Variants in PHF20 observed in about 807,000 individuals in gnomAD.
The protein encoded by PHF20 is glioma-expressed antigen 2.
PHF20 carries 23 observed loss-of-function variants against 113.5 expected under a neutral mutation model. The observed-to-expected ratio is 0.20, with a 90% CI of 0.15 to 0.29. The LOEUF is 0.29. Among genes scored for constraint, PHF20 ranks in the 10% least tolerant of loss-of-function variants. The pLI is 1.00. For synonymous variants in PHF20, 434 were observed against 457.3 expected, an observed-to-expected ratio of 0.95 and a Z score of 0.65; for missense variants, 943 against 1,219.6, an observed-to-expected ratio of 0.77 and a Z score of 3.38.
chr20:35,926,683 G>T (rs1449147402), intron 13 of PHF20, among the ~76,000 whole-genome samples: 2 of 152,082 alleles, frequency 1.3e-5, no homozygotes, highest in Non-Finnish European at 2.9e-5. Flanking sequence ...TTCCCGCTCT[G>T]CCCACATTGA....
intron 1 of PHF20, among the ~76,000 whole-genome samples, chr20:35,787,468 C>T (rs563690212): frequency 1.3e-5 from 2 of 151,890 alleles, no homozygotes; most frequent in South Asian, 2.1e-4. Flanking sequence ...CGTGAGCCAC[C>T]GCGCCCAGCC....
At chr20:35,891,164 G>A (rs971224355) in intron 9 of PHF20, among the ~76,000 whole-genome samples, 17 of 152,268 alleles carry the variant, frequency 1.1e-4, no homozygotes, top group African/African-American at 4.1e-4. Context: ...ATCACTTGCA[G>A]TCAGGAGTTT....
intron 2 of PHF20, among the ~76,000 whole-genome samples, chr20:35,814,900 T>G (rs866066457): frequency 3.0e-5 from 4 of 135,156 alleles, no homozygotes; most frequent in Non-Finnish European, 4.8e-5. Flanking sequence ...ATAAAATAAA[T>G]AAATAAATAA....
chr20:35,926,121 CAAAA>C (rs527440244), intron 13 of PHF20, among the ~76,000 whole-genome samples: 2 of 72,328 alleles, frequency 2.8e-5, no homozygotes, highest in Non-Finnish European at 5.9e-5. Flanking sequence ...GACTCCATCT[CAAAA>C]AAAAAAAAAA....
rs753265544 is a variant in PHF20, at chr20:35,932,428, A to ATTTTTTTT, written c.2300+997_2300+1004dup. 1.9e-5 allele frequency among the ~76,000 whole-genome samples: 2 copies of ATTTTTTTT among 104,692 alleles called. 1 individual carries two copies. Among genetic ancestry groups the ATTTTTTTT allele is most frequent in the African/African-American group, 7.7e-5 (2 of 26,102 alleles). 68.7% of individuals were successfully genotyped at this position (104,692 alleles called of 152,430 possible). On this transcript the variant is annotated intron_variant, in intron 15 of 17. Transcript: ENST00000374012. ...TAATATAAAATTTACCATCTTAACC[A>ATTTTTTTT]TTTTTTTTTTTTTTTTTTTTGAGAC...
chr20:35,817,135 A>G (rs375583926), intron 2 of PHF20, among the ~76,000 whole-genome samples: 4 of 150,712 alleles, frequency 2.7e-5, no homozygotes, highest in Non-Finnish European at 4.4e-5. Context: ...GTGAACTAAC[A>G]GTTCTTTCTT....
intron 2 of PHF20, among the ~76,000 whole-genome samples, chr20:35,825,156 C>A (rs2146908770): frequency 6.6e-6 from 1 of 152,178 alleles, no homozygotes; most frequent in Non-Finnish European, 1.5e-5. Flanking sequence ...GTAGCTGCAC[C>A]ATTTTACACT....
chr20:35,898,043 T>C (rs968739444), intron 9 of PHF20, among the ~76,000 whole-genome samples: 1 of 151,998 alleles, frequency 6.6e-6, no homozygotes, highest in Non-Finnish European at 1.5e-5. Flanking sequence ...GCCCAGCTAA[T>C]TTTTGTATTT....
At chr20:35,848,998 T>C (rs1378274612) in intron 4 of PHF20, among the ~76,000 whole-genome samples, 1 of 152,202 alleles carries the variant, frequency 6.6e-6, no homozygotes, top group African/African-American at 2.4e-5. Flanking sequence ...CCATATTCTG[T>C]CCAGTGAAAT....
intron 9 of PHF20, among the ~76,000 whole-genome samples, chr20:35,874,351 A>AATAT (rs2054479555): frequency 6.6e-6 from 1 of 152,250 alleles, no homozygotes; most frequent in Non-Finnish European, 1.5e-5. Flanking sequence ...TAAGGCAAAA[A>AATAT]GCGACAGTCA....
chr20:35,775,738 A>C (rs575749008), intron 1 of PHF20, among the ~76,000 whole-genome samples: 26 of 116,742 alleles, frequency 2.2e-4, no homozygotes, highest in African/African-American at 8.6e-4. Flanking sequence ...TGGGCCACAG[A>C]GTGAGACTCT....
intron 1 of PHF20, among the ~76,000 whole-genome samples, chr20:35,783,899 C>T (rs1211300297): frequency 1.3e-5 from 2 of 151,810 alleles, no homozygotes; most frequent in African/African-American, 2.4e-5. Context: ...GCAGGAGAAT[C>T]GCTTGAACCC....
intron 1 of PHF20, among the ~76,000 whole-genome samples, chr20:35,778,211 G>T (rs2041213982): frequency 6.6e-6 from 1 of 152,156 alleles, no homozygotes; most frequent in South Asian, 2.1e-4. Flanking sequence ...AGCCTCCTGA[G>T]TAGCTGGGAT....
At chr20:35,823,352 G>A (rs950088606) in intron 2 of PHF20, among the ~76,000 whole-genome samples, 3 of 149,872 alleles carry the variant, frequency 2.0e-5, no homozygotes, top group African/African-American at 7.4e-5. Flanking sequence ...TATAATCCCA[G>A]CACCTTGGGA....
Position 35,780,448 on chromosome 20 carries a change from G to T in PHF20, c.-33+8369G>T, listed in dbSNP as rs939733672. On this transcript the variant is annotated intron_variant, in intron 1 of 17. Coordinates refer to ENST00000374012, the MANE Select transcript of PHF20 (RefSeq NM_016436.5). The stretch of plus-strand genomic sequence containing the variant: ...TCGCCATGTTAGCCAGGATGGTCTC[G>T]ATCTGCTGACCTCATAATCCATCCG... 2.6e-5 allele frequency among the ~76,000 whole-genome samples: 4 copies of T among 151,368 alleles called. No individual in the cohort carries two copies. The East Asian group carries it at 7.7e-4, about 29-fold the overall frequency.
At chr20:35,809,819 T>G (rs2041946288) in intron 2 of PHF20, among the ~76,000 whole-genome samples, 1 of 152,142 alleles carries the variant, frequency 6.6e-6, no homozygotes. Context: ...AGTTTGAGGT[T>G]GCAGTGAGCT....
chr20:35,904,015 TA>T (rs1281853789), intron 10 of PHF20, among the ~76,000 whole-genome samples: 2 of 151,684 alleles, frequency 1.3e-5, no homozygotes, highest in African/African-American at 4.9e-5. Flanking sequence ...AGAACCAACT[TA>T]ATAGTATTGT....
At chr20:35,793,827 G>A (rs1367251462) in intron 1 of PHF20, among the ~76,000 whole-genome samples, 3 of 139,714 alleles carry the variant, frequency 2.1e-5, no homozygotes, top group Non-Finnish European at 4.7e-5. Flanking sequence ...GCGAAACACT[G>A]TCTCTACTAA....
intron 2 of PHF20, among the ~76,000 whole-genome samples, chr20:35,833,874 A>G (rs1313901368): frequency 3.9e-5 from 6 of 152,068 alleles, no homozygotes; most frequent in Non-Finnish European, 8.8e-5. Flanking sequence ...CCTGGCCAAC[A>G]TGGTGAAACC....
Sources: allele counts gnomAD v4.1 joint callset (sites outside exome capture counted in the v4.1 genomes callset), GRCh38; gene constraint gnomAD v4.1.1; transcripts MANE v1.5; gene names NCBI Gene and HGNC (gene_info 2026-07-23, HGNC 2026-07-21).